The following GRM7 variants were observed in gnomAD, a reference collection of about 807,000 sequenced individuals.
GRM7 encodes the protein metabotropic glutamate receptor 7.
A neutral mutation model predicts 84.5 loss-of-function variants in GRM7; 35 were observed. The ratio of observed to expected loss-of-function variants is 0.41; its 90% CI spans 0.32 to 0.55. The LOEUF is 0.55. Among genes scored for constraint, GRM7 ranks in the 20% least tolerant of loss-of-function variants. The pLI is 0.19. For missense variants in GRM7, 1,003 were observed against 1,194.6 expected (o/e 0.84, Z 2.36); for synonymous variants, 487 against 455.1 (o/e 1.07, Z -0.89).
chr3:7,330,844 T>G (rs1701180010), intron 4 of GRM7, among the ~76,000 whole-genome samples: 1 of 152,176 alleles, frequency 6.6e-6, no homozygotes, highest in South Asian at 2.1e-4. Context: ...TGTTCCTACT[T>G]TCACACCTAG....
chr3:6,874,698 T>C (rs1180630305), intron 1 of GRM7, among the ~76,000 whole-genome samples: 3 of 152,172 alleles, frequency 2.0e-5, no homozygotes, highest in Non-Finnish European at 4.4e-5. Flanking sequence ...TACTATATCC[T>C]GGTAAGAAAT....
At chr3:7,397,600 T>C (rs1275405753) in intron 4 of GRM7, among the ~76,000 whole-genome samples, 2 of 152,160 alleles carry the variant, frequency 1.3e-5, no homozygotes, top group African/African-American at 2.4e-5. Flanking sequence ...CTTAAGGTAA[T>C]GCACACTCCA....
intron 7 of GRM7, among the ~76,000 whole-genome samples, chr3:7,545,259 C>T (rs891122708): frequency 6.6e-6 from 1 of 152,216 alleles, no homozygotes; most frequent in Non-Finnish European, 1.5e-5. Flanking sequence ...ACCTAACTGT[C>T]GACACACTGA....
chr3:7,127,776 T>C (rs1168655207), intron 1 of GRM7, among the ~76,000 whole-genome samples: 1 of 152,298 alleles, frequency 6.6e-6, no homozygotes, highest in Admixed American at 6.5e-5. Flanking sequence ...ATTTTGCCTT[T>C]TTTTGTTTGT....
intron 1 of GRM7, among the ~76,000 whole-genome samples, chr3:7,133,706 T>C (rs1251063273): frequency 4.6e-5 from 7 of 152,222 alleles, no homozygotes. Flanking sequence ...TTAATAAAAA[T>C]CTTACTCTGT....
At chr3:7,343,464 T>C (rs1252415395) in intron 4 of GRM7, among the ~76,000 whole-genome samples, 1 of 152,128 alleles carries the variant, frequency 6.6e-6, no homozygotes, top group Non-Finnish European at 1.5e-5. Context: ...TCCTCACACC[T>C]TGGCATCCTA....
At chr3:7,494,423 G>A (rs78660160) in intron 7 of GRM7, among the ~76,000 whole-genome samples, 2,042 of 152,132 alleles carry the variant, frequency 0.013, 39 homozygotes, top group African/African-American at 0.046. Flanking sequence ...TTTAATTGTG[G>A]TATATCTTCA....
chr3:7,339,459 T>C (rs1429239498), intron 4 of GRM7, among the ~76,000 whole-genome samples: 1 of 152,138 alleles, frequency 6.6e-6, no homozygotes, highest in South Asian at 2.1e-4. Flanking sequence ...ATCTAGAGTT[T>C]CTGGTCTCTG....
At position 7,450,718 on chromosome 3, in the gene GRM7, TA is replaced by T. The variant is rs35663671; in HGVS notation, c.1175-1880del. Among the ~76,000 whole-genome samples the T allele has an allele frequency of 1.7e-4, 25 of 151,326 alleles. No homozygotes were observed. In the East Asian group the frequency reaches 2.7e-3, roughly 17 times the overall value. ...ATAAATTCATGATAAATTTTATCTT[TA>T]AAAAAAAATCCTATACTATATACAC... On this transcript the variant is annotated intron_variant, in intron 5 of 9. Transcript: ENST00000357716.
intron 1 of GRM7, among the ~76,000 whole-genome samples, chr3:7,096,523 C>T (rs1698867583): frequency 6.6e-6 from 1 of 152,106 alleles, no homozygotes; most frequent in South Asian, 2.1e-4. Context: ...TGTGATGATG[C>T]ATCACCCTCC....
At chr3:7,485,472 A>G (rs977894908) in intron 7 of GRM7, among the ~76,000 whole-genome samples, 3 of 152,212 alleles carry the variant, frequency 2.0e-5, no homozygotes, top group Non-Finnish European at 4.4e-5. Flanking sequence ...ACAAGTCCCT[A>G]AGTTTCTGGG....
chr3:7,570,744 G>GCCTC (rs1268006395), intron 7 of GRM7, among the ~76,000 whole-genome samples: 2 of 152,342 alleles, frequency 1.3e-5, no homozygotes, highest in African/African-American at 4.8e-5. Flanking sequence ...ACTAGGTGGT[G>GCCTC]CCTCAGTAGG....
chr3:7,331,085 C>T (rs1256555682), intron 4 of GRM7, among the ~76,000 whole-genome samples: 1 of 152,114 alleles, frequency 6.6e-6, no homozygotes, highest in South Asian at 2.1e-4. Flanking sequence ...TACCTGTGTT[C>T]CCCAGGAGAA....
chr3:7,048,689 A>G (rs12492118), intron 1 of GRM7, among the ~76,000 whole-genome samples: 29,577 of 151,874 alleles, frequency 0.19, 3,018 homozygotes, highest in Admixed American at 0.28. Context: ...TGGTTAAATC[A>G]AGCTAACAAC....
At chr3:6,922,201 T>G (rs1462639560) in intron 1 of GRM7, among the ~76,000 whole-genome samples, 2 of 152,238 alleles carry the variant, frequency 1.3e-5, no homozygotes, top group African/African-American at 4.8e-5. Flanking sequence ...TCATACTACT[T>G]AAACTTCCTC....
At chr3:7,082,682 A>C (rs1401363140) in intron 1 of GRM7, among the ~76,000 whole-genome samples, 1 of 152,146 alleles carries the variant, frequency 6.6e-6, no homozygotes, top group African/African-American at 2.4e-5. Flanking sequence ...TAAATTTATA[A>C]TTCTAGATGC....
intron 7 of GRM7, among the ~76,000 whole-genome samples, chr3:7,530,346 A>G (rs566182882): frequency 1.2e-4 from 18 of 152,212 alleles, no homozygotes; most frequent in African/African-American, 4.1e-4. Context: ...TCTATCATTA[A>G]TGGACATTTG....
intron 8 of GRM7, 93 bp from the exon 9 acceptor site, chr3:7,679,955 CT>C: frequency 8.5e-7 from 1 of 1,172,492 alleles, no homozygotes; most frequent in Non-Finnish European, 1.2e-6. Flanking sequence ...GCTTTATCTC[CT>C]AGCCATAGTC....
chr3:7,310,507 C>G (rs969539175), intron 4 of GRM7, among the ~76,000 whole-genome samples: 1 of 152,086 alleles, frequency 6.6e-6, no homozygotes, highest in Admixed American at 6.5e-5. Context: ...TCTTGATTAC[C>G]TGCAATGGTC....
Sources: gnomAD v4.1 joint callset for allele counts (sites outside exome capture counted in the v4.1 genomes callset) on GRCh38, gnomAD v4.1.1 for gene constraint, MANE v1.5 for transcripts, NCBI Gene and HGNC (gene_info 2026-07-23, HGNC 2026-07-21) for gene names.